The following OLR1 variants were observed in gnomAD, a reference collection of about 807,000 sequenced individuals.
The protein encoded by OLR1 is oxidized low-density lipoprotein receptor 1.
OLR1 carries 23 observed loss-of-function variants against 31.7 expected under a neutral mutation model. That is an observed-to-expected ratio of 0.72 (90% CI 0.52 to 1.03). The LOEUF (loss-of-function observed/expected upper bound fraction) is 1.03. Ranked by LOEUF, OLR1 falls within the 50% of genes least tolerant of loss-of-function variation. The probability of loss-of-function intolerance (pLI) is 0.00; values close to 1 mark genes in which losing one functional copy is unlikely to be tolerated. For missense variants in OLR1, 286 were observed against 315.7 expected (o/e 0.91, Z 0.71); for synonymous variants, 117 against 115.8 (o/e 1.01, Z -0.07).
chr12:10,175,369 C>A (rs1046283312), upstream of OLR1: 1 of 152,132 alleles, frequency 6.6e-6, no homozygotes, highest in Admixed American at 6.5e-5. Flanking sequence ...TTCCCAGGCT[C>A]ACCTGAGAAT....
At chr12:10,175,789 A>G (rs967148625), upstream of OLR1, among the ~76,000 whole-genome samples, 4 of 152,194 alleles carry the variant, frequency 2.6e-5, no homozygotes, top group Admixed American at 2.0e-4. Flanking sequence ...CCACTGACTT[A>G]TAGTTTGAGG....
At position 10,165,078 on chromosome 12, in the gene OLR1, C is replaced by T. The variant is rs1310024523; in HGVS notation, c.424+1634G>A. ...AGGAGTTCAAAACCAGCCTGGCCAA[C>T]TTGGTGAAACACCATCTCTACTAAA... On this transcript the variant is annotated intron_variant, in intron 3 of 5. Transcript: ENST00000309539. 2.0e-5 allele frequency among the ~76,000 whole-genome samples: 3 copies of T among 152,086 alleles called. No individual in the cohort carries two copies. The East Asian group carries it at 5.8e-4, about 29-fold the overall frequency.
chr12:10,160,506 G>T (rs1430570411), intron 4 of OLR1, 44 bp from the exon 5 acceptor site: 3 of 1,464,678 alleles, frequency 2.0e-6, no homozygotes, highest in South Asian at 2.3e-5. Context: ...CCACATGGTG[G>T]TTTTAGAATC....
chr12:10,166,835 C>A lies in OLR1; in HGVS notation c.301G>T (p.Glu101Ter), dbSNP rs1189099806. 1.2e-6 allele frequency: 2 copies of A among 1,613,586 alleles called. No individual in the cohort carries two copies. Among genetic ancestry groups the A allele is most frequent in the Admixed American group, 1.7e-5 (1 of 59,948 alleles). The change falls in exon 3 of 6, where the codon GAA (glutamate) becomes TAA (stop). Residue 101 changes from glutamate to a stop codon, truncating the protein, a stop_gained. Coordinates refer to ENST00000309539, the MANE Select transcript of OLR1 (RefSeq NM_002543.4). LOFTEE classifies it high-confidence loss of function. ...AGGGTTTCTATCATTTCCTTGAGTT[C>A]GTTTTCTGACTCCTGTGAAGCTTCT... ...AEEASQESEN[E>*]LKEMIETLAR...
upstream of OLR1, among the ~76,000 whole-genome samples, chr12:10,173,236 A>T (rs984979348): frequency 1.3e-5 from 2 of 152,172 alleles, no homozygotes; most frequent in African/African-American, 4.8e-5. Flanking sequence ...TCTATTAGAG[A>T]TGTCTTCTGA....
upstream of OLR1, chr12:10,175,201 C>T (rs976916952): frequency 1.3e-5 from 2 of 152,156 alleles, no homozygotes; most frequent in Admixed American, 6.6e-5. Context: ...TGATCATCTA[C>T]GTGTGCTTAT....
chr12:10,160,335 T>A lies in OLR1; in HGVS notation c.680+12A>T. On this transcript the variant is annotated intron_variant, in intron 5 of 5. Transcript: ENST00000309539. Reference sequence around the variant, plus strand: ...CTGACGAGAGAGGCATCAAAAAGAATGGGAAACTTACAAGTGGGGCATCAA... The same window carrying A: ...CTGACGAGAGAGGCATCAAAAAGAAAGGGAAACTTACAAGTGGGGCATCAA... 1 of 1,601,382 alleles carries A rather than the reference T, an allele frequency of 6.2e-7. No individual in the cohort carries two copies. The highest frequency in any genetic ancestry group is 8.5e-7 in the Non-Finnish European group (1 of 1,170,220).
intron 1 of OLR1, chr12:10,170,682 A>T (rs1948707190): frequency 6.6e-6 from 1 of 152,116 alleles, no homozygotes; most frequent in Admixed American, 6.6e-5. Context: ...AGTACAGATG[A>T]GGTTTCACCG....
chr12:10,159,985 AG>A lies in OLR1; in HGVS notation c.716del (p.Pro239LeufsTer20), dbSNP rs1565419095. 6.2e-7 allele frequency: 1 copy of A among 1,613,964 alleles called. No homozygotes were observed. Among genetic ancestry groups the A allele is most frequent in the South Asian group, 1.1e-5 (1 of 91,074 alleles). On this transcript the variant is annotated frameshift_variant, in exon 6 of 6. Transcript: ENST00000309539. LOFTEE classifies it low-confidence loss of function (END_TRUNC). ...RVRGAVSQTYPSGTCAYIQRG... is the reference protein window; with the variant it reads ...RVRGAVSQTYXSGTCAYIQRG... The stretch of plus-strand genomic sequence containing the variant: ...GTTGTATATATGCACAGGTACCTGA[AG>A]GGTATGTCTGGGAGACAGCGCCTCG...
chr12:10,161,939 AT>A (rs199634938), intron 3 of OLR1, among the ~76,000 whole-genome samples: 1,393 of 117,804 alleles, frequency 0.012, 20 homozygotes, highest in African/African-American at 0.034. Flanking sequence ...ATATATATAT[AT>A]ATATAAAAAA....
rs755604860 is a variant in OLR1 at position 10,168,619 on chromosome 12, G to C, written c.178+455C>G. Among the ~76,000 whole-genome samples the C allele has an allele frequency of 2.0e-5, 3 of 152,192 alleles. 1 individual carries two copies. The highest frequency in any genetic ancestry group is 4.4e-5 in the Non-Finnish European group (3 of 67,998). On this transcript the variant is annotated intron_variant, in intron 2 of 5. Transcript: ENST00000309539. ...AGCTATTCTCCTACCTCAGCCTCCT[G>C]AGTAGCTGGGATTACAAGCATGTGC...
chr12:10,173,503 G>C (rs1948740889), upstream of OLR1, among the ~76,000 whole-genome samples: 1 of 151,722 alleles, frequency 6.6e-6, no homozygotes, highest in Non-Finnish European at 1.5e-5. Context: ...AAGTTGGCCA[G>C]GTGCAGTGGC....
chr12:10,161,946 A>AT (rs35023147), intron 3 of OLR1, among the ~76,000 whole-genome samples: 22,682 of 81,828 alleles, frequency 0.28, 2,092 homozygotes, highest in East Asian at 0.54. Flanking sequence ...TATATATATA[A>AT]AAAACACATA....
intron 1 of OLR1, 79 bp downstream of exon 1, chr12:10,171,923 A>G: frequency 9.3e-7 from 1 of 1,069,928 alleles, no homozygotes. Context: ...TAGCTTTCTA[A>G]TCCCATTCTT....
intron 2 of OLR1, chr12:10,167,566 ACAGACACCCAC>A (rs1948673458): frequency 6.6e-6 from 1 of 152,264 alleles, no homozygotes. Context: ...AAAACCTGAA[ACAGACACCCAC>A]CAGACTCAGT....
At chr12:10,166,533 AAAAAAGAAAAAGAAAG>A (rs1455854569) in intron 3 of OLR1, among the ~76,000 whole-genome samples, 163 bp downstream of exon 3, 5 of 152,036 alleles carry the variant, frequency 3.3e-5, no homozygotes, top group African/African-American at 4.8e-5. Flanking sequence ...ATCTAAAAAA[AAAAAAGAAAAAGAAAG>A]AAAAAGAAAA....
Position 10,160,939 on chromosome 12 carries a change from T to C in OLR1, c.425-14A>G. On this transcript the variant is annotated splice_polypyrimidine_tract_variant and intron_variant, in intron 3 of 5. Transcript: ENST00000309539. ...GCGGACAAGGAGCTGGGAAGGATAG[T>C]ATATCTCATCAGTCAGTTATGTTTG... The C allele has an allele frequency of 6.2e-7, 1 of 1,611,452 alleles. No individual in the cohort carries two copies. Among genetic ancestry groups the C allele is most frequent in the Non-Finnish European group, 8.5e-7 (1 of 1,177,760 alleles).
At chr12:10,165,028 C>T (rs191111604) in intron 3 of OLR1, among the ~76,000 whole-genome samples, 4 of 151,956 alleles carry the variant, frequency 2.6e-5, no homozygotes, top group Non-Finnish European at 5.9e-5. Context: ...TTTGGGAGGC[C>T]GAGGCGGGCG....
chr12:10,168,368 G>A (rs1323951896), intron 2 of OLR1, among the ~76,000 whole-genome samples: 1 of 152,080 alleles, frequency 6.6e-6, no homozygotes, highest in Non-Finnish European at 1.5e-5. Context: ...TCAAAACTCA[G>A]CAAGCTAAAT....
Sources: allele counts gnomAD v4.1 joint callset (sites outside exome capture counted in the v4.1 genomes callset), GRCh38; gene constraint gnomAD v4.1.1; transcripts MANE v1.5; gene names NCBI Gene and HGNC (gene_info 2026-07-23, HGNC 2026-07-21).